The following CTNNA3 variants were observed in gnomAD, a reference collection of about 807,000 sequenced individuals.
CTNNA3 encodes catenin alpha-3.
A neutral mutation model predicts 95.7 loss-of-function variants in CTNNA3; 76 were observed. The ratio of observed to expected loss-of-function variants is 0.79; its 90% confidence interval spans 0.66 to 0.96. The LOEUF (loss-of-function observed/expected upper bound fraction) is 0.96, where lower values mean the gene tolerates loss of function less well. Ranked by LOEUF, CTNNA3 falls within the 40% of genes least tolerant of loss-of-function variation. The pLI, the probability that CTNNA3 is intolerant of heterozygous loss-of-function variation, is 0.00. For missense variants in CTNNA3, 1,191 were observed against 1,089.8 expected, an observed-to-expected ratio of 1.09 and a Z score of -1.31; for synonymous variants, 431 against 374.4, an observed-to-expected ratio of 1.15 and a Z score of -1.74.
At chr10:67,087,597 T>TA (rs1329055839) in intron 7 of CTNNA3, among the ~76,000 whole-genome samples, 1 of 151,878 alleles carries the variant, frequency 6.6e-6, no homozygotes, top group African/African-American at 2.4e-5. Context: ...TAAAATCAAA[T>TA]AAAAAATAAA....
chr10:67,692,387 C>T (rs1252624299), intron 1 of CTNNA3, among the ~76,000 whole-genome samples: 6 of 140,110 alleles, frequency 4.3e-5, no homozygotes, highest in African/African-American at 1.4e-4. Context: ...TCATTTTGTT[C>T]TGTACTAAGA....
At chr10:65,976,712 CAGG>C (rs991974632) in intron 16 of CTNNA3, among the ~76,000 whole-genome samples, 6 of 152,166 alleles carry the variant, frequency 3.9e-5, no homozygotes, top group Non-Finnish European at 7.4e-5. Flanking sequence ...GAAGCAGAAT[CAGG>C]AGAATGCCTC....
At chr10:66,151,532 A>T (rs1405985503) in intron 13 of CTNNA3, among the ~76,000 whole-genome samples, 2 of 151,966 alleles carry the variant, frequency 1.3e-5, no homozygotes, top group Admixed American at 1.3e-4. Context: ...TTTCATAACA[A>T]ATGAGTCACA....
At chr10:66,057,075 T>C (rs1046415882) in intron 15 of CTNNA3, among the ~76,000 whole-genome samples, 14 of 152,190 alleles carry the variant, frequency 9.2e-5, no homozygotes, top group African/African-American at 3.4e-4. Context: ...GAAACTTCTC[T>C]ACCTCAACAG....
Position 66,948,146 on chromosome 10 carries a change from T to C in CTNNA3, c.1048-172622A>G, listed in dbSNP as rs144773235. On this transcript the variant is annotated intron_variant, in intron 7 of 17. Transcript: ENST00000433211. The stretch of plus-strand genomic sequence containing the variant: ...ATGTAGTCCCTCATTGGCCACAACA[T>C]TGTTATTGTAGTGCATCACTGTATA... Among the ~76,000 whole-genome samples the C allele has an allele frequency of 3.3e-5, 5 of 152,318 alleles. No homozygotes were observed. The East Asian group carries it at 9.7e-4, about 29-fold the overall frequency.
At chr10:66,581,317 C>T (rs1310655722) in intron 10 of CTNNA3, among the ~76,000 whole-genome samples, 3 of 151,658 alleles carry the variant, frequency 2.0e-5, no homozygotes, top group South Asian at 2.1e-4. Flanking sequence ...GAGAAATCTC[C>T]ATACTCTTTT....
chr10:66,563,557 G>A (rs934090409), intron 10 of CTNNA3, among the ~76,000 whole-genome samples: 5 of 152,038 alleles, frequency 3.3e-5, no homozygotes, highest in African/African-American at 1.2e-4. Flanking sequence ...AAATCTTGGG[G>A]CCCCCAAAAT....
At chr10:66,154,917 A>T (rs1431136476) in intron 13 of CTNNA3, among the ~76,000 whole-genome samples, 1 of 151,364 alleles carries the variant, frequency 6.6e-6, no homozygotes, top group Non-Finnish European at 1.5e-5. Flanking sequence ...TTTGACAAAG[A>T]GTTGACAAAC....
chr10:66,269,632 T>G (rs934825432), intron 13 of CTNNA3, among the ~76,000 whole-genome samples: 1 of 152,212 alleles, frequency 6.6e-6, no homozygotes, highest in Admixed American at 6.5e-5. Flanking sequence ...TCATTAAATT[T>G]ATAGATAATT....
intron 7 of CTNNA3, among the ~76,000 whole-genome samples, chr10:67,158,309 C>T (rs922372031): frequency 6.6e-6 from 1 of 152,054 alleles, no homozygotes; most frequent in Non-Finnish European, 1.5e-5. Flanking sequence ...CACTTAGACA[C>T]AAGATGGCTC....
At chr10:67,627,932 G>A (rs946063494) in intron 2 of CTNNA3, among the ~76,000 whole-genome samples, 29 of 151,744 alleles carry the variant, frequency 1.9e-4, no homozygotes, top group African/African-American at 6.8e-4. Flanking sequence ...GTATGAGGAT[G>A]TGCTTTTGTT....
intron 17 of CTNNA3, among the ~76,000 whole-genome samples, chr10:65,927,893 A>G (rs2077191270): frequency 6.6e-6 from 1 of 152,154 alleles, no homozygotes; most frequent in South Asian, 2.1e-4. Flanking sequence ...AAGTTATTTT[A>G]CCATTTTGAA....
At chr10:66,747,158 T>C (rs1158689746) in intron 9 of CTNNA3, among the ~76,000 whole-genome samples, 1 of 152,262 alleles carries the variant, frequency 6.6e-6, no homozygotes, top group Admixed American at 6.5e-5. Flanking sequence ...TGACTTTATT[T>C]CACTTAAATG....
intron 7 of CTNNA3, among the ~76,000 whole-genome samples, chr10:66,829,415 C>T (rs1159217482): frequency 1.3e-5 from 2 of 151,970 alleles, no homozygotes; most frequent in Non-Finnish European, 2.9e-5. Flanking sequence ...GTGAGACCAG[C>T]CTGACCAACA....
intron 15 of CTNNA3, among the ~76,000 whole-genome samples, chr10:66,053,472 GTA>G (rs1327217165): frequency 1.3e-5 from 2 of 151,870 alleles, no homozygotes; most frequent in Non-Finnish European, 1.5e-5. Context: ...GGAGCATGGG[GTA>G]TCCATCCTTT....
At chr10:67,640,844 A>C (rs1181448775) in intron 2 of CTNNA3, among the ~76,000 whole-genome samples, 1 of 152,230 alleles carries the variant, frequency 6.6e-6, no homozygotes, top group Non-Finnish European at 1.5e-5. Flanking sequence ...CACCTTATAC[A>C]AAAATTAATT....
At chr10:67,205,176 C>T (rs942901484) in intron 6 of CTNNA3, among the ~76,000 whole-genome samples, 3 of 152,218 alleles carry the variant, frequency 2.0e-5, no homozygotes, top group African/African-American at 7.2e-5. Flanking sequence ...GTTAGCTTGG[C>T]CCTGGCCCAG....
intron 7 of CTNNA3, among the ~76,000 whole-genome samples, chr10:66,777,149 A>T (rs1196357335): frequency 6.6e-6 from 1 of 152,148 alleles, no homozygotes; most frequent in Non-Finnish European, 1.5e-5. Context: ...CTGATATTTA[A>T]AGTGTGAAAA....
chr10:66,796,708 A>C (rs753366168), intron 7 of CTNNA3, among the ~76,000 whole-genome samples: 2 of 152,086 alleles, frequency 1.3e-5, no homozygotes, highest in Non-Finnish European at 2.9e-5. Context: ...TATGAATGCA[A>C]ATCTAAAAGA....
Sources: allele counts gnomAD v4.1 joint callset (sites outside exome capture counted in the v4.1 genomes callset), GRCh38; gene constraint gnomAD v4.1.1; transcripts MANE v1.5; gene names NCBI Gene and HGNC (gene_info 2026-07-23, HGNC 2026-07-21).